The following THSD4 variants were observed in gnomAD, a reference collection of about 807,000 sequenced individuals.
THSD4 encodes the protein thrombospondin type 1 domain containing 4.
Under a neutral mutation model 119.0 loss-of-function variants are expected in THSD4, and 69 were observed. That is an observed-to-expected ratio of 0.58 (90% CI 0.48 to 0.71). THSD4 has a LOEUF of 0.71. Ranked by LOEUF, THSD4 falls within the 30% of genes least tolerant of loss-of-function variation. The pLI is 0.00. For synonymous variants in THSD4, 524 were observed against 540.4 expected (o/e 0.97, Z 0.42); for missense variants, 1,393 against 1,391.1 (o/e 1.00, Z -0.02).
chr15:71,767,201 T>C (rs930387816), intron 16 of THSD4: 1 of 152,232 alleles, frequency 6.6e-6, no homozygotes, highest in African/African-American at 2.4e-5. Context: ...TAGACTTCTT[T>C]GAATGTACCT....
intron 1 of THSD4, among the ~76,000 whole-genome samples, chr15:71,128,834 A>T (rs1439255671): frequency 6.6e-6 from 1 of 152,232 alleles, no homozygotes; most frequent in African/African-American, 2.4e-5. Context: ...AGAGTGTTGT[A>T]TTGGTGAGGG....
At chr15:71,332,694 G>A (rs528906756) in intron 6 of THSD4, among the ~76,000 whole-genome samples, 7 of 151,492 alleles carry the variant, frequency 4.6e-5, no homozygotes, top group Non-Finnish European at 8.8e-5. Flanking sequence ...GACAGCAGAC[G>A]TCTCTCTCTC....
intron 6 of THSD4, among the ~76,000 whole-genome samples, chr15:71,314,398 C>T (rs928446073): frequency 6.6e-6 from 1 of 152,104 alleles, no homozygotes; most frequent in Non-Finnish European, 1.5e-5. Context: ...CCTCTGACTC[C>T]TGGGTCCAAG....
intron 7 of THSD4, among the ~76,000 whole-genome samples, chr15:71,429,896 A>G (rs1170642456): frequency 4.6e-5 from 7 of 152,362 alleles, no homozygotes; most frequent in African/African-American, 1.7e-4. Flanking sequence ...ACCTCTATCC[A>G]TGACACAGGC....
chr15:71,764,093 C>T (rs1184170268), intron 15 of THSD4, among the ~76,000 whole-genome samples: 1 of 150,836 alleles, frequency 6.6e-6, no homozygotes, highest in Non-Finnish European at 1.5e-5. Flanking sequence ...AATAAAAGAA[C>T]GAATGAACCA....
At chr15:71,236,003 G>T (rs2044102202) in intron 4 of THSD4, among the ~76,000 whole-genome samples, 1 of 152,176 alleles carries the variant, frequency 6.6e-6, no homozygotes, top group Admixed American at 6.5e-5. Flanking sequence ...TGCCTTCGTG[G>T]AGTTCCACTT....
At chr15:71,421,429 C>T (rs998433121) in intron 7 of THSD4, among the ~76,000 whole-genome samples, 2 of 152,070 alleles carry the variant, frequency 1.3e-5, no homozygotes, top group East Asian at 1.9e-4. Context: ...AGGGTGTTTT[C>T]GCCAGATATA....
chr15:71,512,549 C>T lies in THSD4; in HGVS notation c.1152+100726C>T, dbSNP rs575506421. On this transcript the variant is annotated intron_variant, in intron 7 of 17. Coordinates refer to ENST00000261862, the MANE Select transcript of THSD4 (RefSeq NM_024817.3). The stretch of plus-strand genomic sequence containing the variant: ...AGACCAGTGAAATCTGGGCTTAAGG[C>T]GAGGCAGCAACAAAAACCACGGGTT... Among the ~76,000 whole-genome samples, 185 of 152,170 alleles carry T rather than the reference C, an allele frequency of 1.2e-3. 1 individual carries two copies. The highest frequency in any genetic ancestry group is 4.0e-3 in the African/African-American group (164 of 41,516).
At chr15:71,467,507 CTGTT>C (rs1475865251) in intron 7 of THSD4, among the ~76,000 whole-genome samples, 1 of 152,112 alleles carries the variant, frequency 6.6e-6, no homozygotes. Context: ...CAAGCAAGGC[CTGTT>C]TGTTCAGATT....
chr15:71,368,350 G>A (rs903831270), intron 6 of THSD4, among the ~76,000 whole-genome samples: 1 of 152,182 alleles, frequency 6.6e-6, no homozygotes. Flanking sequence ...TAGACATGAA[G>A]TCCTTGCCCA....
At position 71,242,679 on chromosome 15, in the gene THSD4, C is replaced by G; in HGVS notation, c.495C>G (p.Gly165=). 8.7e-6 allele frequency: 14 copies of G among 1,614,124 alleles called. No individual in the cohort carries two copies. The highest frequency in any genetic ancestry group is 1.2e-5 in the Non-Finnish European group (14 of 1,179,990). ...RSRTRGTIGP[G]KYGYGKAPYI... ...GGACCCGTGGTACCATTGGCCCTGG[C>G]AAGTATGGCTATGGTAAGGCCCCAT... The change falls in exon 5 of 18, where the codon GGC becomes GGG. Residue 165 remains glycine (G), a synonymous_variant. Transcript: ENST00000261862.
At chr15:71,203,957 T>C (rs74816708) in intron 3 of THSD4, among the ~76,000 whole-genome samples, 97 of 152,314 alleles carry the variant, frequency 6.4e-4, no homozygotes, top group African/African-American at 2.2e-3. Flanking sequence ...GCTAGAAGAT[T>C]GCTGTTCCCC....
At chr15:71,279,816 T>G (rs552425259) in intron 6 of THSD4, among the ~76,000 whole-genome samples, 47 of 151,450 alleles carry the variant, frequency 3.1e-4, no homozygotes, top group Non-Finnish European at 6.3e-4. Flanking sequence ...TGCTACAACA[T>G]GTTGGCATTG....
chr15:71,524,784 T>C (rs1407106728), intron 7 of THSD4, among the ~76,000 whole-genome samples: 2 of 96,226 alleles, frequency 2.1e-5, no homozygotes, highest in South Asian at 6.2e-4. Context: ...TTTTTTTTTT[T>C]GTATTTTTTA....
chr15:71,266,740 G>T (rs562709962), intron 6 of THSD4, among the ~76,000 whole-genome samples: 1 of 152,052 alleles, frequency 6.6e-6, no homozygotes, highest in South Asian at 2.1e-4. Context: ...TTGCTAACTA[G>T]AATAACCAGT....
intron 8 of THSD4, among the ~76,000 whole-genome samples, chr15:71,673,889 TGGGACTACAGGCGCCCACCACCACG>T (rs2051584861): frequency 6.6e-6 from 1 of 152,168 alleles, no homozygotes; most frequent in Non-Finnish European, 1.5e-5. Flanking sequence ...CCCGAGTAGC[TGGGACTACAGGCGCCCACCACCACG>T]GCTGGCCATA....
rs2043782292 is a variant in THSD4, at chr15:71,199,890, GGTATGTGTGTGTGGT to G, written c.100-15143_100-15129del. ...GTGTGTGTGTGTGTGGTGCATGTGTGGTATGTGTGTGTGGTGCATGTGTGGGGTGTGTGTGTGTGT... is the reference window on the plus strand; with the variant it reads ...GTGTGTGTGTGTGTGGTGCATGTGTGGCATGTGTGGGGTGTGTGTGTGTGT... On this transcript the variant is annotated intron_variant, in intron 3 of 17. Transcript: ENST00000261862. Among the ~76,000 whole-genome samples the G allele has an allele frequency of 1.0e-4, 4 of 39,104 alleles. No homozygotes were observed. In the South Asian group the frequency reaches 2.4e-3, roughly 24 times the overall value. 25.7% of individuals were successfully genotyped at this position (39,104 alleles called of 152,430 possible). A position where few individuals can be genotyped will look rare whatever the true frequency, so the allele number is the denominator to read the frequency against.
chr15:71,306,800 C>A (rs1041896927), intron 6 of THSD4, among the ~76,000 whole-genome samples: 1 of 152,180 alleles, frequency 6.6e-6, no homozygotes, highest in Admixed American at 6.5e-5. Flanking sequence ...AATTGCTTAA[C>A]CTTGTGTTTG....
chr15:71,475,763 A>G (rs1039240162), intron 7 of THSD4, among the ~76,000 whole-genome samples: 1 of 151,972 alleles, frequency 6.6e-6, no homozygotes, highest in African/African-American at 2.4e-5. Flanking sequence ...TCTCTACAAA[A>G]TCGTTTTTTA....
Sources: gnomAD v4.1 joint callset for allele counts (sites outside exome capture counted in the v4.1 genomes callset) on GRCh38, gnomAD v4.1.1 for gene constraint, MANE v1.5 for transcripts, NCBI Gene and HGNC (gene_info 2026-07-23, HGNC 2026-07-21) for gene names.